Variants in HEXA observed in about 807,000 individuals in gnomAD.
HEXA encodes beta-hexosaminidase subunit alpha.
Under a neutral mutation model 73.3 loss-of-function variants are expected in HEXA, and 54 were observed. The ratio of observed to expected loss-of-function variants is 0.74; its 90% CI spans 0.59 to 0.92. The LOEUF is 0.92. Among genes scored for constraint, HEXA ranks in the 40% least tolerant of loss-of-function variants. The probability of loss-of-function intolerance (pLI) is 0.00; values close to 1 mark genes in which losing one functional copy is unlikely to be tolerated. For synonymous variants in HEXA, 230 were observed against 246.9 expected, an observed-to-expected ratio of 0.93 and a Z score of 0.64; for missense variants, 649 against 653.0, an observed-to-expected ratio of 0.99 and a Z score of 0.07.
In HEXA at chr15:72,351,359, T is replaced by C; in HGVS notation, c.571-125A>G. The C allele has an allele frequency of 1.5e-5, 11 of 729,702 alleles. No homozygotes were observed. In the South Asian group the frequency reaches 1.6e-4, roughly 11 times the overall value. 45.2% of individuals were successfully genotyped at this position (729,702 alleles called of 1,614,324 possible). A position where few individuals can be genotyped will look rare whatever the true frequency, so the allele number is the denominator to read the frequency against. The stretch of plus-strand genomic sequence containing the variant: ...CTACAGGCTTGACCTGCCTCAGCTC[T>C]CAATTAAGTATTTATGGGGTCTATC... On this transcript the variant is annotated intron_variant, in intron 5 of 13. Transcript: ENST00000268097.
rs1248458266 is a variant in HEXA, at chr15:72,345,463, G to A, written c.1509C>T (p.Phe503=). The change falls in exon 13 of 14, where the codon TTC becomes TTT. Residue 503 remains phenylalanine (F), a synonymous_variant. Coordinates refer to ENST00000268097, the MANE Select transcript of HEXA (RefSeq NM_000520.6). ...TTGCTTACCTCAGCAATTCACAGCG[G>A]AAGTGTGACAAACGTTCATAGGCAA... The part of the protein sequence containing the change: ...LTFAYERLSH[F]RCELLRRGVQ... The A allele has an allele frequency of 6.2e-7, 1 of 1,614,214 alleles. No homozygotes were observed. Among genetic ancestry groups the A allele is most frequent in the South Asian group, 1.1e-5 (1 of 91,086 alleles).
chr15:72,348,929 G>C (rs549874585), intron 8 of HEXA, 150 bp downstream of exon 8: 146 of 709,822 alleles, frequency 2.1e-4, no homozygotes, highest in Non-Finnish European at 3.0e-4. Flanking sequence ...TCTCTACGTA[G>C]ATGGGCAGAG....
chr15:72,345,790 GAAT>G (rs2088605160), intron 12 of HEXA: 1 of 583,556 alleles, frequency 1.7e-6, no homozygotes, highest in Non-Finnish European at 3.1e-6. Flanking sequence ...AAAGATATGG[GAAT>G]AAGAATAAAC....
At position 72,344,129 on chromosome 15, in the gene HEXA, T is replaced by C. The variant is rs2088581155; in HGVS notation, c.1538A>G (p.Gln513Arg). 2 of 1,613,640 alleles carry C rather than the reference T, an allele frequency of 1.2e-6. No individual in the cohort carries two copies. Among genetic ancestry groups the C allele is most frequent in the South Asian group, 1.1e-5 (1 of 91,076 alleles). ...GAAGCCTACATTGAGGGGTTGGGCC[T>C]GGACACCTCGCCTGCAAGAGGACAT... The part of the protein sequence containing the change: ...FRCELLRRGV[Q>R]AQPLNVGFCE... The change falls in exon 14 of 14, where the codon CAG becomes CGG. Residue 513 changes from glutamine to arginine, a missense_variant. By Grantham distance (43) the Gln-to-Arg change is conservative. Transcript: ENST00000268097.
intron 1 of HEXA, chr15:72,362,512 G>T (rs557991143): frequency 2.2e-6 from 1 of 455,628 alleles, no homozygotes; most frequent in East Asian, 7.0e-5. Context: ...CATATTTTAT[G>T]ATTGTGCTAT....
chr15:72,355,343 T>C (rs2088760976), intron 3 of HEXA: 2 of 574,402 alleles, frequency 3.5e-6, no homozygotes, highest in South Asian at 1.8e-5. Context: ...CTGGGCAATA[T>C]GGTGAAATCC....
At chr15:72,360,820 C>T (rs1018839387) in intron 1 of HEXA, among the ~76,000 whole-genome samples, 2 of 152,206 alleles carry the variant, frequency 1.3e-5, no homozygotes, top group African/African-American at 2.4e-5. Flanking sequence ...GTTTCCTCAA[C>T]TGTAAAATAG....
chr15:72,366,323 T>C lies in HEXA; in HGVS notation c.253+9397A>G, dbSNP rs182975856. Among the ~76,000 whole-genome samples, 235 of 152,180 alleles carry C rather than the reference T, an allele frequency of 1.5e-3. 2 individuals carry two copies. Among genetic ancestry groups the C allele is most frequent in the Admixed American group, 5.2e-3 (80 of 15,276 alleles). On this transcript the variant is annotated intron_variant, in intron 1 of 13. Coordinates refer to ENST00000268097, the MANE Select transcript of HEXA (RefSeq NM_000520.6). ...CTTTATTCACTTAATTTTTTTTTTT[T>C]TTTGAGATGGAGTCCTCCTCTGTTG...
chr15:72,346,825 C>A (rs1555472456), intron 10 of HEXA, 115 bp from the exon 11 acceptor site: 5 of 958,882 alleles, frequency 5.2e-6, no homozygotes, highest in South Asian at 1.3e-5. Flanking sequence ...TCCCCAGCAG[C>A]AAAGTATGTC....
chr15:72,347,569 C>A, intron 10 of HEXA, 117 bp downstream of exon 10: 1 of 836,036 alleles, frequency 1.2e-6, no homozygotes, highest in Non-Finnish European at 2.0e-6. Flanking sequence ...GAGAGTGCTC[C>A]GACCATTAAA....
At chr15:72,371,203 G>A (rs189171139) in intron 1 of HEXA, among the ~76,000 whole-genome samples, 1 of 152,144 alleles carries the variant, frequency 6.6e-6, no homozygotes, top group Non-Finnish European at 1.5e-5. Context: ...AGAGCAGCAC[G>A]AGTTGGGATC....
In HEXA at chr15:72,342,199, G is replaced by C. The variant is rs2140317353; in HGVS notation, c.*1878C>G. 6.6e-6 allele frequency: 1 copy of C among 152,412 alleles called. No individual in the cohort carries two copies. Among genetic ancestry groups the C allele is most frequent in the Non-Finnish European group, 1.5e-5 (1 of 68,138 alleles). 9.4% of individuals were successfully genotyped at this position (152,412 alleles called of 1,614,324 possible). Reference sequence around the variant, plus strand: ...CTTGTGTATCTGGGCTATAGCCCTGGACTTGGCTAGGCTGGGCTGTGTGAA... The same window carrying C: ...CTTGTGTATCTGGGCTATAGCCCTGCACTTGGCTAGGCTGGGCTGTGTGAA... On this transcript the variant is annotated 3_prime_UTR_variant, in exon 14 of 14. Transcript: ENST00000268097.
In HEXA at chr15:72,348,030, CCCTCCT is replaced by C. The variant is rs2088641467; in HGVS notation, c.1073+12_1073+17del. The C allele has an allele frequency of 6.3e-7, 1 of 1,575,630 alleles. No individual in the cohort carries two copies. The highest frequency in any genetic ancestry group is 1.3e-5 in the African/African-American group (1 of 74,164). On this transcript the variant is annotated intron_variant, in intron 9 of 13. Coordinates refer to ENST00000268097, the MANE Select transcript of HEXA (RefSeq NM_000520.6). ...GAGGACCCCCAAGGGACCCCACCCACCCTCCTTCCTTCCTCACGTCTGGATGTAGAA... is the reference window on the plus strand; with the variant it reads ...GAGGACCCCCAAGGGACCCCACCCACTCCTTCCTCACGTCTGGATGTAGAA...
Position 72,350,603 on chromosome 15 carries a change from C to A in HEXA, c.720G>T (p.Lys240Asn). 1 of 1,614,168 alleles carries A rather than the reference C, an allele frequency of 6.2e-7. No individual in the cohort carries two copies. Among genetic ancestry groups the A allele is most frequent in the Non-Finnish European group, 8.5e-7 (1 of 1,180,018 alleles). ...GGAGCCGTGCGTATTCAATGACCTC[C>A]TTCACATCCTGTGCTGTGTAGATGT... ...VTHIYTAQDV[K>N]EVIEYARLRG... The change falls in exon 7 of 14, where the codon AAG (lysine) becomes AAT (asparagine). Residue 240 changes from lysine to asparagine, a missense_variant. By Grantham distance (94) the Lys-to-Asn change is moderately conservative (BLOSUM62 0). Transcript: ENST00000268097.
At chr15:72,351,388 C>G (rs1231976076) in intron 5 of HEXA, 154 bp from the exon 6 acceptor site, 1 of 692,772 alleles carries the variant, frequency 1.4e-6, no homozygotes, top group African/African-American at 1.8e-5. Context: ...GTCTATCAAA[C>G]CTTCCCATCA....
At chr15:72,361,695 A>C (rs1221235341) in intron 1 of HEXA, among the ~76,000 whole-genome samples, 1 of 152,254 alleles carries the variant, frequency 6.6e-6, no homozygotes, top group African/African-American at 2.4e-5. Context: ...CAAGTTCATC[A>C]ACTCAAAATA....
intron 6 of HEXA, chr15:72,350,880 G>C (rs1314857967): frequency 1.6e-6 from 1 of 623,072 alleles, no homozygotes; most frequent in Non-Finnish European, 2.9e-6. Flanking sequence ...TTAATACTAT[G>C]TCCATTTAAC....
chr15:72,367,272 C>T (rs958931268), intron 1 of HEXA, among the ~76,000 whole-genome samples: 10 of 152,166 alleles, frequency 6.6e-5, no homozygotes, highest in Non-Finnish European at 1.5e-4. Context: ...TTCCCTTCCT[C>T]TCCTACTATT....
At chr15:72,364,108 A>T (rs866682797) in intron 1 of HEXA, among the ~76,000 whole-genome samples, 1 of 151,988 alleles carries the variant, frequency 6.6e-6, no homozygotes. Context: ...TGTCTCTACT[A>T]AAAATACAAA....
Sources: allele counts gnomAD v4.1 joint callset (sites outside exome capture counted in the v4.1 genomes callset), GRCh38; gene constraint gnomAD v4.1.1; transcripts MANE v1.5; gene names NCBI Gene and HGNC (gene_info 2026-07-23, HGNC 2026-07-21).